Variants in FER1L6 observed in about 807,000 individuals in gnomAD.
FER1L6 encodes the protein fer-1 like family member 6, also known as fer-1-like protein 6.
A neutral mutation model predicts 219.2 loss-of-function variants in FER1L6; 177 were observed. The ratio of observed to expected loss-of-function variants is 0.81; its 90% confidence interval spans 0.71 to 0.91. FER1L6 has a LOEUF of 0.91. Ranked by LOEUF, FER1L6 falls within the 40% of genes least tolerant of loss-of-function variation. The probability of loss-of-function intolerance (pLI) is 0.00; values close to 1 mark genes in which losing one functional copy is unlikely to be tolerated. For missense variants in FER1L6, 2,153 were observed against 2,259.9 expected, an observed-to-expected ratio of 0.95 and a Z score of 0.96; for synonymous variants, 768 against 824.3, an observed-to-expected ratio of 0.93 and a Z score of 1.17.
At position 124,094,965 on chromosome 8, in the gene FER1L6, T is replaced by C. The variant is rs1465251999; in HGVS notation, c.4622T>C (p.Val1541Ala). The C allele has an allele frequency of 1.9e-6, 3 of 1,614,010 alleles. No homozygotes were observed. Among genetic ancestry groups the C allele is most frequent in the Non-Finnish European group, 2.5e-6 (3 of 1,179,996 alleles). Residue 1541 changes from valine (V) to alanine (A), a missense_variant, in exon 35 of 41, where the codon GTC becomes GCC. Val to Ala is a moderately conservative substitution (Grantham distance 64). Transcript: ENST00000522917. The part of the protein sequence containing the change: ...VLHSWEDIPE[V>A]GCRLVPEHIE... ...CACTCTTGGGAGGATATCCCGGAAG[T>C]CGGGTGTAGGCTGGTTCCTGAACAC...
intron 1 of FER1L6, among the ~76,000 whole-genome samples, chr8:123,869,472 T>C (rs532592127): frequency 3.5e-4 from 53 of 152,292 alleles, no homozygotes; most frequent in Admixed American, 1.5e-3. Context: ...GTCAAATCCA[T>C]TTCATCCTGT....
intron 39 of FER1L6, among the ~76,000 whole-genome samples, chr8:124,108,706 G>A (rs747766275): frequency 1.3e-5 from 2 of 151,936 alleles, no homozygotes; most frequent in South Asian, 2.1e-4. Flanking sequence ...ATGAGACCCC[G>A]TCTCTACAAA....
intron 22 of FER1L6, among the ~76,000 whole-genome samples, chr8:124,056,338 G>A (rs1325869852): frequency 6.6e-6 from 1 of 152,210 alleles, no homozygotes; most frequent in East Asian, 1.9e-4. Context: ...GTTGTGCACT[G>A]TGCAGCCTCC....
At chr8:124,065,186 G>T (rs1820772800) in intron 26 of FER1L6, among the ~76,000 whole-genome samples, 1 of 151,826 alleles carries the variant, frequency 6.6e-6, no homozygotes, top group Admixed American at 6.6e-5. Context: ...TCGAGGCCAG[G>T]AGTTCAAGAC....
At chr8:123,961,969 A>C (rs1297091657) in intron 2 of FER1L6, among the ~76,000 whole-genome samples, 1 of 149,334 alleles carries the variant, frequency 6.7e-6, no homozygotes, top group Non-Finnish European at 1.5e-5. Flanking sequence ...GGCTCACTGC[A>C]ATCTCCACCT....
chr8:124,064,028 C>G (rs1181049186), intron 25 of FER1L6, among the ~76,000 whole-genome samples: 1 of 152,192 alleles, frequency 6.6e-6, no homozygotes, highest in Non-Finnish European at 1.5e-5. Flanking sequence ...CCCCTAGACA[C>G]AGAATCTGCA....
At chr8:124,112,958 T>C (rs1823083500) in intron 39 of FER1L6, among the ~76,000 whole-genome samples, 1 of 152,190 alleles carries the variant, frequency 6.6e-6, no homozygotes, top group South Asian at 2.1e-4. Flanking sequence ...GTATACCATC[T>C]AAAGAAAACT....
intron 22 of FER1L6, among the ~76,000 whole-genome samples, chr8:124,053,071 C>A (rs1820124115): frequency 6.6e-6 from 1 of 152,172 alleles, no homozygotes; most frequent in African/African-American, 2.4e-5. Flanking sequence ...AGCTGAGGCT[C>A]AATGCTAACT....
At chr8:123,938,403 T>A (rs1305823784) in intron 1 of FER1L6, among the ~76,000 whole-genome samples, 1 of 152,200 alleles carries the variant, frequency 6.6e-6, no homozygotes, top group East Asian at 1.9e-4. Flanking sequence ...TGAGGTTCAG[T>A]CACTGACTTT....
At chr8:124,028,850 A>G (rs1449394934) in intron 18 of FER1L6, among the ~76,000 whole-genome samples, 2 of 152,218 alleles carry the variant, frequency 1.3e-5, no homozygotes, top group Non-Finnish European at 2.9e-5. Flanking sequence ...AACGTGTGCC[A>G]TGGTGGTTTG....
intron 5 of FER1L6, 148 bp from the exon 6 acceptor site, chr8:123,969,887 G>T (rs376721655): frequency 2.1e-5 from 9 of 430,594 alleles, no homozygotes; most frequent in East Asian, 1.3e-4. Context: ...AAAAAAAAAA[G>T]AGAATTGACA....
At chr8:124,095,311 C>T (rs1465293503) in intron 35 of FER1L6, among the ~76,000 whole-genome samples, 1 of 152,162 alleles carries the variant, frequency 6.6e-6, no homozygotes, top group South Asian at 2.1e-4. Context: ...ATTTGAGAAG[C>T]CCTGCCCTGG....
intron 1 of FER1L6, among the ~76,000 whole-genome samples, chr8:123,933,292 A>G (rs1363787143): frequency 6.6e-6 from 1 of 152,148 alleles, no homozygotes; most frequent in Non-Finnish European, 1.5e-5. Context: ...CTTCAAAGCC[A>G]TGGTTATTTG....
intron 20 of FER1L6, among the ~76,000 whole-genome samples, chr8:124,043,601 G>A (rs966491918): frequency 6.6e-6 from 1 of 152,188 alleles, no homozygotes; most frequent in South Asian, 2.1e-4. Flanking sequence ...GAGGCACAAA[G>A]AGAGGTTTGT....
At chr8:123,923,208 T>G (rs1813429146) in intron 1 of FER1L6, among the ~76,000 whole-genome samples, 2 of 152,214 alleles carry the variant, frequency 1.3e-5, no homozygotes. Flanking sequence ...GACAGCAAGA[T>G]GCTGATGGAT....
chr8:123,991,995 T>A (rs1286624730), intron 12 of FER1L6, among the ~76,000 whole-genome samples: 1 of 152,184 alleles, frequency 6.6e-6, no homozygotes, highest in Non-Finnish European at 1.5e-5. Flanking sequence ...ATTTGATGTA[T>A]CACTTATATT....
At chr8:123,881,553 T>C (rs1817110973) in intron 1 of FER1L6, among the ~76,000 whole-genome samples, 1 of 152,216 alleles carries the variant, frequency 6.6e-6, no homozygotes, top group Non-Finnish European at 1.5e-5. Context: ...GTCCAGAGAA[T>C]GCAGACTTTT....
In FER1L6 at chr8:124,060,931, A is replaced by G. The variant is rs142285243; in HGVS notation, c.3147+222A>G. The stretch of plus-strand genomic sequence containing the variant: ...AAAGCAGGTTGACAAACTTTTTCCT[A>G]TAACAGTGGTTCCCAAAGTGTGGTC... On this transcript the variant is annotated intron_variant, in intron 24 of 40. Transcript: ENST00000522917. The G allele has an allele frequency of 1.1e-3, 451 of 414,118 alleles. 10 individuals are homozygous for G. In the East Asian group the frequency reaches 0.021, roughly 20 times the overall value. The allele number at this position is 414,118 out of a possible 1,614,324, so 25.7% of individuals were successfully genotyped here.
intron 1 of FER1L6, among the ~76,000 whole-genome samples, chr8:123,916,154 A>T (rs945272832): frequency 3.3e-5 from 5 of 151,110 alleles, no homozygotes; most frequent in Non-Finnish European, 7.4e-5. Context: ...GTAGAAGTAA[A>T]CTCTCCCTCT....
Sources: allele counts gnomAD v4.1 joint callset (sites outside exome capture counted in the v4.1 genomes callset), GRCh38; gene constraint gnomAD v4.1.1; transcripts MANE v1.5; gene names NCBI Gene and HGNC (gene_info 2026-07-23, HGNC 2026-07-21).